The following IL21R variants were observed in gnomAD, a reference collection of about 807,000 sequenced individuals.
The protein encoded by IL21R is interleukin 21 receptor.
In IL21R, 14 loss-of-function variants were observed where a neutral mutation model predicts 41.3. The ratio of observed to expected loss-of-function variants is 0.34; its 90% CI spans 0.22 to 0.53. IL21R has a LOEUF of 0.53. Among genes scored for constraint, IL21R ranks in the 20% least tolerant of loss-of-function variants. The pLI, the probability that IL21R is intolerant of heterozygous loss-of-function variation, is 0.94. For synonymous variants in IL21R, 286 were observed against 287.6 expected, an observed-to-expected ratio of 0.99 and a Z score of 0.05; for missense variants, 588 against 681.6, an observed-to-expected ratio of 0.86 and a Z score of 1.53.
chr16:27,418,665 C>T (rs1187461649), intron 1 of IL21R, among the ~76,000 whole-genome samples: 3 of 152,164 alleles, frequency 2.0e-5, no homozygotes, highest in Non-Finnish European at 4.4e-5. Flanking sequence ...CCGCTGCGCC[C>T]CGCCAACATT....
intron 8 of IL21R, chr16:27,448,071 G>T (rs2087514759): frequency 6.4e-6 from 1 of 156,836 alleles, no homozygotes; most frequent in Non-Finnish European, 1.4e-5. Flanking sequence ...CTGTCTCTCG[G>T]TGTCTTTGTC....
chr16:27,418,132 T>C (rs55736765), intron 1 of IL21R, among the ~76,000 whole-genome samples: 30 of 149,642 alleles, frequency 2.0e-4, no homozygotes, highest in Non-Finnish European at 2.2e-4. Flanking sequence ...TGCAGTGGCG[T>C]GATCTCGGCT....
chr16:27,443,714 C>T (rs574281752), intron 5 of IL21R, among the ~76,000 whole-genome samples: 13 of 145,204 alleles, frequency 9.0e-5, no homozygotes, highest in East Asian at 2.0e-4. Flanking sequence ...ATCCAGGAGG[C>T]GGAGGTTGCA....
chr16:27,429,923 T>G (rs530818682), intron 1 of IL21R, 133 bp from the exon 2 acceptor site: 126 of 699,668 alleles, frequency 1.8e-4, no homozygotes, highest in Non-Finnish European at 2.7e-4. Context: ...CACAGGCCCC[T>G]CGGGATCTTG....
intron 3 of IL21R, among the ~76,000 whole-genome samples, chr16:27,435,248 C>T (rs1229029610): frequency 5.3e-5 from 8 of 151,928 alleles, no homozygotes; most frequent in Admixed American, 2.6e-4. Context: ...AAGCAAGATC[C>T]CAACTCAAAA....
intron 1 of IL21R, among the ~76,000 whole-genome samples, chr16:27,409,421 GCTGTTTAAGAAGTGTTGC>G (rs1159760710): frequency 6.6e-6 from 1 of 151,472 alleles, no homozygotes; most frequent in Non-Finnish European, 1.5e-5. Context: ...CTTTCTATGT[GCTGTTTAAGAAGTGTTGC>G]CTGCAATAAA....
intron 1 of IL21R, among the ~76,000 whole-genome samples, chr16:27,421,335 C>CCA (rs2086997011): frequency 2.4e-5 from 2 of 84,196 alleles, no homozygotes; most frequent in Non-Finnish European, 4.4e-5. Context: ...TCAATTTCTG[C>CCA]AAAAAAAAAA....
chr16:27,446,423 C>T (rs978614990), intron 8 of IL21R, among the ~76,000 whole-genome samples: 5 of 151,798 alleles, frequency 3.3e-5, no homozygotes, highest in Admixed American at 2.0e-4. Flanking sequence ...ACCACCACTC[C>T]GCCTCCCCAT....
In IL21R at chr16:27,410,222, G is replaced by C. The variant is rs577857451; in HGVS notation, c.-17+7604G>C. Reference sequence around the variant, plus strand: ...GTGGTGGTGCATGCTTGTAATCCCAGCTACTCAGGAGGCTGAGGCAGAATT... The same window carrying C: ...GTGGTGGTGCATGCTTGTAATCCCACCTACTCAGGAGGCTGAGGCAGAATT... On this transcript the variant is annotated intron_variant, in intron 1 of 8. Coordinates refer to ENST00000337929, the MANE Select transcript of IL21R (RefSeq NM_181078.3). Among the ~76,000 whole-genome samples the C allele has an allele frequency of 2.1e-5, 3 of 141,882 alleles. No homozygotes were observed. The East Asian group carries it at 8.2e-4, about 39-fold the overall frequency. The allele number at this position is 141,882 out of a possible 152,430, so 93.1% of individuals were successfully genotyped here.
chr16:27,411,534 C>T (rs891879329), intron 1 of IL21R, among the ~76,000 whole-genome samples: 5 of 131,318 alleles, frequency 3.8e-5, no homozygotes, highest in Non-Finnish European at 6.1e-5. Context: ...GTGATCTTGG[C>T]TCACTGCAAC....
chr16:27,444,158 T>C (rs2087437308), intron 5 of IL21R: 2 of 155,890 alleles, frequency 1.3e-5, no homozygotes, highest in Non-Finnish European at 2.8e-5. Context: ...CTGAGACTTA[T>C]ATCAGTAGTA....
At chr16:27,440,240 TATATATATAGAGAG>T (rs1172860619) in intron 4 of IL21R, among the ~76,000 whole-genome samples, 1 of 88,700 alleles carries the variant, frequency 1.1e-5, no homozygotes, top group African/African-American at 5.7e-5. Context: ...TATATATATA[TATATATATAGAGAG>T]AGAGAGAGAG....
At chr16:27,412,183 C>T (rs1206701517) in intron 1 of IL21R, among the ~76,000 whole-genome samples, 4 of 152,266 alleles carry the variant, frequency 2.6e-5, no homozygotes, top group Non-Finnish European at 5.9e-5. Context: ...GCACTATCTC[C>T]TTGAACAAAC....
chr16:27,431,480 G>A (rs1467606629), intron 2 of IL21R, among the ~76,000 whole-genome samples: 2 of 152,210 alleles, frequency 1.3e-5, no homozygotes, highest in African/African-American at 4.8e-5. Flanking sequence ...AAGAGGCAGA[G>A]CTGGGATCAG....
chr16:27,416,798 T>C lies in IL21R; in HGVS notation c.-16-13258T>C, dbSNP rs539338026. On this transcript the variant is annotated intron_variant, in intron 1 of 8. Coordinates refer to ENST00000337929, the MANE Select transcript of IL21R (RefSeq NM_181078.3). ...CCCCCCTCCCCTCAGCCTCAGCTCC[T>C]GGCAACCACTAACCTACTTTCTGTC... Among the ~76,000 whole-genome samples, 30 of 152,330 alleles carry C rather than the reference T, an allele frequency of 2.0e-4. No homozygotes were observed. The South Asian group carries it at 6.2e-3, about 32-fold the overall frequency.
At chr16:27,406,084 T>C (rs1426961696) in intron 1 of IL21R, among the ~76,000 whole-genome samples, 1 of 152,276 alleles carries the variant, frequency 6.6e-6, no homozygotes, top group African/African-American at 2.4e-5. Context: ...CAAGCGGGCT[T>C]GACTAGGACG....
chr16:27,417,483 T>C (rs914034087), intron 1 of IL21R, among the ~76,000 whole-genome samples: 2 of 152,214 alleles, frequency 1.3e-5, no homozygotes, highest in Non-Finnish European at 2.9e-5. Flanking sequence ...TTTCACTATA[T>C]AACTAGGTGT....
rs760782957 is a variant in IL21R at position 27,448,522 on chromosome 16, T to C, written c.868-12T>C. 6.3e-7 allele frequency: 1 copy of C among 1,581,122 alleles called. No individual in the cohort carries two copies. Among genetic ancestry groups the C allele is most frequent in the Non-Finnish European group, 8.6e-7 (1 of 1,166,086 alleles). On this transcript the variant is annotated splice_polypyrimidine_tract_variant and intron_variant, in intron 8 of 8. Coordinates refer to ENST00000337929, the MANE Select transcript of IL21R (RefSeq NM_181078.3). ...ATCCTGTGCTATGACTCTCTCTTTT[T>C]CTCTCTCACAGAAATGGGTGGGTGC...
intron 1 of IL21R, among the ~76,000 whole-genome samples, chr16:27,416,166 C>T (rs1025535904): frequency 2.6e-5 from 4 of 151,992 alleles, no homozygotes; most frequent in Non-Finnish European, 5.9e-5. Flanking sequence ...ACTTTCTCAC[C>T]CAGGCTGGAG....
Sources: gnomAD v4.1 joint callset for allele counts (sites outside exome capture counted in the v4.1 genomes callset) on GRCh38, gnomAD v4.1.1 for gene constraint, MANE v1.5 for transcripts, NCBI Gene and HGNC (gene_info 2026-07-23, HGNC 2026-07-21) for gene names.